CCDC68: variants seen among roughly 807,000 people sequenced by gnomAD.
CCDC68 encodes the protein coiled-coil domain-containing protein 68.
CCDC68 carries 45 observed loss-of-function variants against 47.1 expected under a neutral mutation model. The ratio of observed to expected loss-of-function variants is 0.96; its 90% CI spans 0.75 to 1.23. CCDC68 has a LOEUF of 1.23. Ranked by LOEUF, CCDC68 falls within the 50% of genes most tolerant of loss-of-function variation. CCDC68 has a pLI of 0.00. For synonymous variants in CCDC68, 131 were observed against 129.5 expected (o/e 1.01, Z -0.08); for missense variants, 353 against 373.6 (o/e 0.94, Z 0.45).
At chr18:54,947,912 A>T (rs774451223) in intron 1 of CCDC68, among the ~76,000 whole-genome samples, 2 of 152,238 alleles carry the variant, frequency 1.3e-5, no homozygotes, top group Non-Finnish European at 2.9e-5. Flanking sequence ...AATGATGCTA[A>T]CATCTATTGA....
At chr18:54,909,324 T>C (rs1049583401) in intron 10 of CCDC68, among the ~76,000 whole-genome samples, 1 of 151,874 alleles carries the variant, frequency 6.6e-6, no homozygotes, top group Non-Finnish European at 1.5e-5. Flanking sequence ...CTCCCTTCCC[T>C]TTCAAGGAAC....
At chr18:54,940,192 G>A (rs2044412849) in intron 4 of CCDC68, among the ~76,000 whole-genome samples, 1 of 152,088 alleles carries the variant, frequency 6.6e-6, no homozygotes, top group South Asian at 2.1e-4. Flanking sequence ...TCTCTACCCT[G>A]TATCCTGGAC....
At position 54,934,779 on chromosome 18, in the gene CCDC68, T is replaced by G. The variant is rs2044315469; in HGVS notation, c.600+41A>C. 2.2e-6 allele frequency: 3 copies of G among 1,369,226 alleles called. No homozygotes were observed. In the East Asian group the frequency reaches 8.1e-5, roughly 37 times the overall value. 84.8% of individuals were successfully genotyped at this position (1,369,226 alleles called of 1,614,324 possible). On this transcript the variant is annotated intron_variant, in intron 7 of 11. Coordinates refer to ENST00000591504, the MANE Select transcript of CCDC68 (RefSeq NM_025214.3). ...TTATTTTATTTCATTCTCATCCTAA[T>G]GCTGTCAGTAAGAAAATCCTCTAAT...
chr18:54,918,054 T>A, intron 9 of CCDC68, 58 bp from the exon 10 acceptor site: 1 of 718,660 alleles, frequency 1.4e-6, no homozygotes, highest in Non-Finnish European at 2.3e-6. Context: ...AATAGTTACT[T>A]AAGTCAGAAA....
intron 8 of CCDC68, among the ~76,000 whole-genome samples, chr18:54,924,879 C>A (rs1327843181): frequency 1.3e-5 from 2 of 152,158 alleles, no homozygotes; most frequent in African/African-American, 4.8e-5. Flanking sequence ...TCTCACCGTG[C>A]CCTCTGTTCC....
At chr18:54,907,696 G>T in intron 11 of CCDC68, 90 bp downstream of exon 11, 1 of 751,166 alleles carries the variant, frequency 1.3e-6, no homozygotes, top group Non-Finnish European at 2.4e-6. Context: ...CATAAGCAGT[G>T]ACAGACTGGA....
chr18:54,957,290 T>G (rs2044728136), intron 1 of CCDC68, among the ~76,000 whole-genome samples: 1 of 152,228 alleles, frequency 6.6e-6, no homozygotes, highest in Admixed American at 6.5e-5. Context: ...TTTTTAGACT[T>G]GACTTTTTAA....
In CCDC68 at chr18:54,917,922, A is replaced by G; in HGVS notation, c.864T>C (p.Leu288=). 2 of 1,574,914 alleles carry G rather than the reference A, an allele frequency of 1.3e-6. No individual in the cohort carries two copies. Among genetic ancestry groups the G allele is most frequent in the Non-Finnish European group, 1.7e-6 (2 of 1,146,954 alleles). ...IENLREKVNI[L]EAQNKELKTQ... ...CAGGTTCCCTCCTTACCTGGGCTTCAAGTATGTTAACCTTTTCTCTGAGAT... is the reference window on the plus strand; with the variant it reads ...CAGGTTCCCTCCTTACCTGGGCTTCGAGTATGTTAACCTTTTCTCTGAGAT... Residue 288 remains leucine (L), a synonymous_variant, in exon 10 of 12, where the codon CTT becomes CTC. Coordinates refer to ENST00000591504, the MANE Select transcript of CCDC68 (RefSeq NM_025214.3).
chr18:54,942,916 G>A (rs995047659), intron 2 of CCDC68, 113 bp from the exon 3 acceptor site: 5 of 659,132 alleles, frequency 7.6e-6, no homozygotes, highest in Non-Finnish European at 5.4e-6. Context: ...TAGCAGAAAA[G>A]CTATAAATCA....
chr18:54,930,813 G>T (rs916688762), intron 7 of CCDC68, among the ~76,000 whole-genome samples: 24 of 151,008 alleles, frequency 1.6e-4, no homozygotes, highest in Non-Finnish European at 7.4e-5. Context: ...CCGCCTCCCA[G>T]GTTCAAGCGA....
chr18:54,913,469 C>A (rs2145392102), intron 10 of CCDC68, among the ~76,000 whole-genome samples: 1 of 152,220 alleles, frequency 6.6e-6, no homozygotes, highest in Admixed American at 6.5e-5. Flanking sequence ...AGCTTAAAAG[C>A]TTTATAATAA....
At chr18:54,949,796 A>C (rs1028472602) in intron 1 of CCDC68, among the ~76,000 whole-genome samples, 1 of 152,174 alleles carries the variant, frequency 6.6e-6, no homozygotes, top group Non-Finnish European at 1.5e-5. Flanking sequence ...CTCCCGCTGG[A>C]AGTGCAACTC....
At chr18:54,946,156 T>C (rs1265378021) in intron 1 of CCDC68, among the ~76,000 whole-genome samples, 1 of 152,220 alleles carries the variant, frequency 6.6e-6, no homozygotes, top group Non-Finnish European at 1.5e-5. Context: ...GAAAATTATA[T>C]GAAGTTCAAA....
At chr18:54,932,359 AT>A (rs796533441) in intron 7 of CCDC68, among the ~76,000 whole-genome samples, 75 of 145,788 alleles carry the variant, frequency 5.1e-4, no homozygotes, top group South Asian at 4.4e-3. Context: ...TAATTTTTGA[AT>A]TTTTTTTTTT....
At chr18:54,943,622 C>T (rs776735535) in intron 2 of CCDC68, among the ~76,000 whole-genome samples, 2 of 151,884 alleles carry the variant, frequency 1.3e-5, no homozygotes, top group African/African-American at 4.8e-5. Context: ...ACTATTTATC[C>T]CTGGTGTGCT....
At chr18:54,954,039 CCTTT>C (rs201481771) in intron 1 of CCDC68, among the ~76,000 whole-genome samples, 132 of 108,384 alleles carry the variant, frequency 1.2e-3, no homozygotes, top group Non-Finnish European at 1.6e-3. Context: ...TTCCCTCCTT[CCTTT>C]CTTTCTTTCT....
At chr18:54,949,344 T>G (rs992967272) in intron 1 of CCDC68, among the ~76,000 whole-genome samples, 12 of 152,170 alleles carry the variant, frequency 7.9e-5, no homozygotes, top group Non-Finnish European at 1.6e-4. Context: ...AAGTCTACCA[T>G]TTTCTTTTCT....
Position 54,904,108 on chromosome 18 carries a change from G to A in CCDC68, c.*250C>T. 3.1e-6 allele frequency: 1 copy of A among 322,764 alleles called. No individual in the cohort carries two copies. The highest frequency in any genetic ancestry group is 5.6e-6 in the Non-Finnish European group (1 of 178,486). 20.0% of individuals were successfully genotyped at this position (322,764 alleles called of 1,614,324 possible). On this transcript the variant is annotated 3_prime_UTR_variant, in exon 12 of 12. Transcript: ENST00000591504. ...GATTTTTTTTTTTTTTTAATTTAAA[G>A]CAGAATCTGTCTTCCATCATGAGAA...
At chr18:54,956,656 G>A in intron 1 of CCDC68, among the ~76,000 whole-genome samples, 1 of 152,174 alleles carries the variant, frequency 6.6e-6, no homozygotes. Context: ...AAAGCCAGAT[G>A]CTAAAGACTA....
Sources: gnomAD v4.1 joint callset for allele counts (sites outside exome capture counted in the v4.1 genomes callset) on GRCh38, gnomAD v4.1.1 for gene constraint, MANE v1.5 for transcripts, NCBI Gene and HGNC (gene_info 2026-07-23, HGNC 2026-07-21) for gene names.